Variants in TRIM14 observed in about 807,000 individuals in gnomAD.
The protein encoded by TRIM14 is tripartite motif containing 14.
TRIM14 carries 28 observed loss-of-function variants against 44.5 expected under a neutral mutation model. The ratio of observed to expected loss-of-function variants is 0.63; its 90% CI spans 0.47 to 0.86. The LOEUF is 0.86. Ranked by LOEUF, TRIM14 falls within the 40% of genes least tolerant of loss-of-function variation. TRIM14 has a pLI of 0.00. For synonymous variants in TRIM14, 299 were observed against 269.2 expected (o/e 1.11, Z -1.08); for missense variants, 607 against 611.1 (o/e 0.99, Z 0.07).
the TRIM14 span, among the ~76,000 whole-genome samples, chr9:98,063,083 C>T: frequency 6.6e-6 from 1 of 151,514 alleles, no homozygotes; most frequent in Non-Finnish European, 1.5e-5. Flanking sequence ...CACCACCAGG[C>T]CTGGCTGATT....
chr9:98,081,149 G>C, downstream of TRIM14: 1 of 1,590,530 alleles, frequency 6.3e-7, no homozygotes, highest in African/African-American at 1.3e-5. Context: ...TGGCCTGAGA[G>C]GGATGGTCAG....
chr9:98,071,977 T>C (rs1305049820), intron 6 of TRIM14, among the ~76,000 whole-genome samples: 1 of 152,188 alleles, frequency 6.6e-6, no homozygotes, highest in African/African-American at 2.4e-5. Context: ...AGTTGGGTGA[T>C]AGGGAGGAGT....
At position 98,118,964 on chromosome 9, in the gene TRIM14, C is replaced by A; in HGVS notation, c.207+18G>T. On this transcript the variant is annotated intron_variant, in intron 1 of 5. Transcript: ENST00000341469. ...CCCCCAACTCCCGCGCGGCGAACCC[C>A]GTCCCCATCGTCCCCACCTGCACGT... The A allele has an allele frequency of 6.6e-7, 1 of 1,508,604 alleles. No individual in the cohort carries two copies. The highest frequency in any genetic ancestry group is 2.8e-5 in the East Asian group (1 of 36,118). 93.5% of individuals were successfully genotyped at this position (1,508,604 alleles called of 1,614,324 possible). A position where few individuals can be genotyped will look rare whatever the true frequency, so the allele number is the denominator to read the frequency against.
chr9:98,055,093 C>T, the TRIM14 span, among the ~76,000 whole-genome samples: 3 of 152,162 alleles, frequency 2.0e-5, no homozygotes, highest in African/African-American at 7.2e-5. Flanking sequence ...AATCTCAGCT[C>T]ACTGCAACCT....
At chr9:98,075,426 GGGAAGGAAAGGGA>G (rs1189636288) in intron 6 of TRIM14, 84 of 149,940 alleles carry the variant, frequency 5.6e-4, no homozygotes, top group African/African-American at 1.5e-3. Context: ...GAGAGAGGGA[GGGAAGGAAAGGGA>G]GGAAGGAAAG....
At chr9:98,063,382 C>T in the TRIM14 span, among the ~76,000 whole-genome samples, 1 of 151,986 alleles carries the variant, frequency 6.6e-6, no homozygotes, top group East Asian at 1.9e-4. Flanking sequence ...GCTGGGATTA[C>T]AGGCACCTGC....
chr9:98,119,098 C>G lies in TRIM14; in HGVS notation c.91G>C (p.Val31Leu), dbSNP rs963726912. ...GWRCPEHGDRVAELFCRRCRR... is the reference protein window; with the variant it reads ...GWRCPEHGDRLAELFCRRCRR... ...CAGCGGCGACAGAAGAGCTCAGCCA[C>G]GCGGTCGCCATGCTCCGGGCAGCGC... Residue 31 changes from valine (V) to leucine (L), a missense_variant, in exon 1 of 6, where the codon GTG (valine) becomes CTG (leucine). Physicochemically the swap from Val to Leu is conservative, Grantham distance 32. Transcript: ENST00000341469. The G allele has an allele frequency of 2.5e-6, 4 of 1,586,934 alleles. No homozygotes were observed. The highest frequency in any genetic ancestry group is 2.8e-5 in the African/African-American group (2 of 72,726).
chr9:98,071,319 C>T (rs769023159), intron 6 of TRIM14, among the ~76,000 whole-genome samples: 15 of 152,196 alleles, frequency 9.9e-5, no homozygotes, highest in Admixed American at 3.9e-4. Context: ...GGCCCATACC[C>T]GGGCTATATG....
At position 98,086,987 on chromosome 9, in the gene TRIM14, G is replaced by A. The variant is rs1825796370; in HGVS notation, c.*483C>T. ...CAGCTTCTGGAGGGAGCTGTGATGT[G>A]GACACGCTGAAATCGGTGGGGAGGA... On this transcript the variant is annotated 3_prime_UTR_variant, in exon 6 of 6. Transcript: ENST00000341469. 7.3e-6 allele frequency: 2 copies of A among 272,802 alleles called. No homozygotes were observed. The highest frequency in any genetic ancestry group is 2.2e-5 in the African/African-American group (1 of 44,472). The allele number at this position is 272,802 out of a possible 1,614,324, so 16.9% of individuals were successfully genotyped here.
intron 5 of TRIM14, 101 bp downstream of exon 5, chr9:98,091,808 A>G: frequency 1.8e-6 from 1 of 553,938 alleles, no homozygotes; most frequent in Non-Finnish European, 2.8e-6. Context: ...AATAAATTCT[A>G]ATGAGAAAAA....
chr9:98,053,515 G>A, the TRIM14 span, among the ~76,000 whole-genome samples: 3 of 152,096 alleles, frequency 2.0e-5, no homozygotes, highest in Non-Finnish European at 2.9e-5. Context: ...CTCCATTATA[G>A]AACAACACAG....
chr9:98,095,089 C>T lies in TRIM14; in HGVS notation c.538-60G>A. The T allele has an allele frequency of 6.5e-7, 1 of 1,549,432 alleles. No individual in the cohort carries two copies. Reference sequence around the variant, plus strand: ...GAGATGCAGGCAGCATCCCAGCCTCCTGTGCTGCACCCAGGAACAAACCCA... The same window carrying T: ...GAGATGCAGGCAGCATCCCAGCCTCTTGTGCTGCACCCAGGAACAAACCCA... On this transcript the variant is annotated intron_variant, in intron 3 of 5. Transcript: ENST00000341469. This position sits in a 1 kb window ranked among gnomAD's most constrained non-coding sequence, Gnocchi z 4.1.
At chr9:98,094,344 G>A (rs756936431) in intron 4 of TRIM14, among the ~76,000 whole-genome samples, 3 of 152,196 alleles carry the variant, frequency 2.0e-5, no homozygotes, top group Non-Finnish European at 4.4e-5. Context: ...CCCTTCACGT[G>A]CTTACAAGGG....
chr9:98,053,628 ATGTT>A, the TRIM14 span, among the ~76,000 whole-genome samples: 2 of 134,796 alleles, frequency 1.5e-5, no homozygotes, highest in Non-Finnish European at 3.0e-5. Context: ...GGAGACAGTG[ATGTT>A]TAACATACAC....
chr9:98,087,571 C>A lies in TRIM14; in HGVS notation c.1228G>T (p.Gly410Cys), dbSNP rs1385740517. The change falls in exon 6 of 6, where the codon GGC becomes TGC. Residue 410 changes from glycine to cysteine, a missense_variant. Physicochemically the swap from Gly to Cys is radical, Grantham distance 159. Coordinates refer to ENST00000341469, the MANE Select transcript of TRIM14 (RefSeq NM_014788.4). The stretch of plus-strand genomic sequence containing the variant: ...CGGAAGGTATGCAGGTGGCTCATGC[C>A]GCCCGTCACGTCGTAGAAGGCGAGG... ...GVLAFYDVTG[G>C]MSHLHTFRAT... 2 of 1,596,600 alleles carry A rather than the reference C, an allele frequency of 1.3e-6. No homozygotes were observed.
At position 98,095,140 on chromosome 9, in the gene TRIM14, G is replaced by A. The variant is rs957110920; in HGVS notation, c.538-111C>T. ...CACCAGCATGCCCAGGCTCCACGTT[G>A]GCCTGGCACCTATGGTCAGCCCAGG... is the stretch of plus-strand genomic sequence containing the variant. On this transcript the variant is annotated intron_variant, in intron 3 of 5. Coordinates refer to ENST00000341469, the MANE Select transcript of TRIM14 (RefSeq NM_014788.4). The surrounding 1 kb of genome is among the most constrained non-coding windows in gnomAD (Gnocchi z 4.1). 1 of 1,376,344 alleles carries A rather than the reference G, an allele frequency of 7.3e-7. No individual in the cohort carries two copies. The highest frequency in any genetic ancestry group is 9.7e-7 in the Non-Finnish European group (1 of 1,030,746). The allele number at this position is 1,376,344 out of a possible 1,614,324, so 85.3% of individuals were successfully genotyped here.
chr9:98,098,573 G>T (rs1439356056), intron 3 of TRIM14, among the ~76,000 whole-genome samples: 1 of 151,964 alleles, frequency 6.6e-6, no homozygotes, highest in Non-Finnish European at 1.5e-5. Flanking sequence ...TTAGCTGGGC[G>T]TGGTGGGGGG....
chr9:98,087,386 G>C lies in TRIM14; in HGVS notation c.*84C>G. The C allele has an allele frequency of 6.3e-7, 1 of 1,598,252 alleles. No homozygotes were observed. On this transcript the variant is annotated 3_prime_UTR_variant, in exon 6 of 6. Transcript: ENST00000341469. ...AGGGCCCTAAGAAGCAGGCAGTAAG[G>C]GGACCAGCCACGCTGATCTAGGTAG...
chr9:98,104,759 C>T (rs918493325), intron 2 of TRIM14, among the ~76,000 whole-genome samples: 5 of 152,116 alleles, frequency 3.3e-5, no homozygotes, highest in South Asian at 2.1e-4. Context: ...CATGAAGCCC[C>T]GGTCAGGGAA....
Sources: gnomAD v4.1 joint callset for allele counts (sites outside exome capture counted in the v4.1 genomes callset) on GRCh38, gnomAD v4.1.1 for gene constraint, Gnocchi (gnomAD v3.1) non-coding constraint, MANE v1.5 for transcripts, NCBI Gene and HGNC (gene_info 2026-07-23, HGNC 2026-07-21) for gene names.